The following PCSK2 variants were observed in gnomAD, a reference collection of about 807,000 sequenced individuals.
PCSK2 encodes the protein proprotein convertase subtilisin/kexin type 2, also known as neuroendocrine convertase 2.
In PCSK2, 14 loss-of-function variants were observed where a neutral mutation model predicts 69.7. The observed-to-expected ratio is 0.20, with a 90% CI of 0.13 to 0.31. The LOEUF is 0.31. PCSK2 is among the 10% of genes least tolerant of loss of function. The pLI is 1.00. For missense variants in PCSK2, 544 were observed against 842.5 expected, an observed-to-expected ratio of 0.65 and a Z score of 4.39; for synonymous variants, 307 against 320.7, an observed-to-expected ratio of 0.96 and a Z score of 0.46.
chr20:17,453,971 C>G lies in PCSK2; in HGVS notation c.1101+14C>G, dbSNP rs542732661. On this transcript the variant is annotated intron_variant, in intron 9 of 11. Coordinates refer to ENST00000262545, the MANE Select transcript of PCSK2 (RefSeq NM_002594.5). This position sits in a 1 kb window ranked among gnomAD's most constrained non-coding sequence, Gnocchi z 4.0. ...GAGGCCGGTGTGGTGAGCACGTCCCCTTCTGTCCTTGTTTCCTTAGGGCCA... is the reference window on the plus strand; with the variant it reads ...GAGGCCGGTGTGGTGAGCACGTCCCGTTCTGTCCTTGTTTCCTTAGGGCCA... 2 of 1,613,858 alleles carry G rather than the reference C, an allele frequency of 1.2e-6. No homozygotes were observed. The highest frequency in any genetic ancestry group is 3.3e-5 in the Admixed American group (2 of 60,002).
intron 11 of PCSK2, among the ~76,000 whole-genome samples, 163 bp from the exon 12 acceptor site, chr20:17,481,421 A>C (rs2033399899): frequency 7.0e-6 from 1 of 142,534 alleles, no homozygotes; most frequent in African/African-American, 2.6e-5. Flanking sequence ...AAAAGAGATA[A>C]GTAACTTACT....
At chr20:17,235,838 A>G (rs1414089342) in intron 1 of PCSK2, among the ~76,000 whole-genome samples, 3 of 152,162 alleles carry the variant, frequency 2.0e-5, no homozygotes, top group Non-Finnish European at 4.4e-5. Flanking sequence ...GAGATGGTAA[A>G]CATCTCAATG....
At chr20:17,269,194 G>C (rs972219359) in intron 2 of PCSK2, among the ~76,000 whole-genome samples, 1 of 152,158 alleles carries the variant, frequency 6.6e-6, no homozygotes, top group African/African-American at 2.4e-5. Flanking sequence ...GTCAGAGTTG[G>C]AGATATAAAT....
intron 5 of PCSK2, among the ~76,000 whole-genome samples, chr20:17,389,297 T>C (rs1297281075): frequency 2.6e-5 from 4 of 152,058 alleles, no homozygotes; most frequent in Non-Finnish European, 5.9e-5. Flanking sequence ...GATGTGCTTG[T>C]AGTCAAGGGT....
intron 1 of PCSK2, among the ~76,000 whole-genome samples, chr20:17,233,185 G>A (rs1986207568): frequency 6.6e-6 from 1 of 152,198 alleles, no homozygotes. Flanking sequence ...GAATCAGATA[G>A]CACTGGAAAC....
intron 8 of PCSK2, among the ~76,000 whole-genome samples, chr20:17,446,009 G>A (rs1437816562): frequency 6.6e-6 from 1 of 152,176 alleles, no homozygotes; most frequent in Non-Finnish European, 1.5e-5. Context: ...TCAATCCTGG[G>A]CAAACCAAGA....
chr20:17,322,814 A>ATGAAGGTGCCATGACTTAATCACTTAAAG (rs1431228760), intron 2 of PCSK2, among the ~76,000 whole-genome samples: 1 of 152,192 alleles, frequency 6.6e-6, no homozygotes, highest in Non-Finnish European at 1.5e-5. Context: ...TGGAAGTGGC[A>ATGAAGGTGCCATGACTTAATCACTTAAAG]CCTTCATGAC....
At chr20:17,318,599 T>C (rs1429744332) in intron 2 of PCSK2, among the ~76,000 whole-genome samples, 2 of 152,222 alleles carry the variant, frequency 1.3e-5, no homozygotes, top group African/African-American at 4.8e-5. Context: ...CAGGAAACAA[T>C]AAGTATGTTT....
chr20:17,347,923 G>A (rs1385660805), intron 2 of PCSK2, among the ~76,000 whole-genome samples: 2 of 51,180 alleles, frequency 3.9e-5, no homozygotes, highest in African/African-American at 1.8e-4. Flanking sequence ...AAAGAAAGGA[G>A]AGAGAAAAAA....
At chr20:17,257,012 A>C (rs1249120391) in intron 1 of PCSK2, among the ~76,000 whole-genome samples, 1 of 152,150 alleles carries the variant, frequency 6.6e-6, no homozygotes, top group Non-Finnish European at 1.5e-5. Flanking sequence ...TTCTTTATGC[A>C]GTCTATCATT....
chr20:17,241,459 G>A (rs1331569657), intron 1 of PCSK2, among the ~76,000 whole-genome samples: 2 of 152,168 alleles, frequency 1.3e-5, no homozygotes, highest in African/African-American at 4.8e-5. Flanking sequence ...CCACATACAG[G>A]ACATCCTAGG....
At chr20:17,245,760 G>C (rs1986748213) in intron 1 of PCSK2, among the ~76,000 whole-genome samples, 1 of 152,116 alleles carries the variant, frequency 6.6e-6, no homozygotes, top group African/African-American at 2.4e-5. Flanking sequence ...AGACAGCTCA[G>C]AGCTAACAAG....
chr20:17,427,563 A>T (rs1257601826), intron 6 of PCSK2, among the ~76,000 whole-genome samples: 1 of 152,180 alleles, frequency 6.6e-6, no homozygotes, highest in Non-Finnish European at 1.5e-5. Flanking sequence ...TGTGTCAGTA[A>T]TCTACTGCCA....
intron 1 of PCSK2, among the ~76,000 whole-genome samples, chr20:17,253,720 C>T (rs1476895886): frequency 1.3e-5 from 2 of 152,114 alleles, no homozygotes; most frequent in African/African-American, 4.8e-5. Context: ...CTTATATGCA[C>T]CCGTACATGG....
rs2032859809 is a variant in PCSK2 at position 17,453,275 on chromosome 20, C to T, written c.886-467C>T. 6.6e-6 allele frequency among the ~76,000 whole-genome samples: 1 copy of T among 151,946 alleles called. No homozygotes were observed. The highest frequency in any genetic ancestry group is 2.4e-5 in the African/African-American group (1 of 41,384). On this transcript the variant is annotated intron_variant, in intron 8 of 11. Coordinates refer to ENST00000262545, the MANE Select transcript of PCSK2 (RefSeq NM_002594.5). This position sits in a 1 kb window ranked among gnomAD's most constrained non-coding sequence, Gnocchi z 4.0. ...TATCTTCTATAAATGTTTTGTATAG[C>T]TTATGTAGCTAAGAAAAATTATATG...
intron 8 of PCSK2, among the ~76,000 whole-genome samples, chr20:17,444,403 C>T (rs1015612206): frequency 7.9e-5 from 12 of 152,214 alleles, no homozygotes; most frequent in Admixed American, 7.2e-4. Flanking sequence ...GAAGTTTGCA[C>T]CTCCTACATT....
intron 11 of PCSK2, among the ~76,000 whole-genome samples, chr20:17,470,995 C>A (rs2033190064): frequency 6.6e-6 from 1 of 152,200 alleles, no homozygotes; most frequent in Non-Finnish European, 1.5e-5. Flanking sequence ...TGTACTGCGG[C>A]CCTCTTAGTC....
intron 1 of PCSK2, among the ~76,000 whole-genome samples, chr20:17,239,677 A>G (rs1156951047): frequency 6.6e-6 from 1 of 152,098 alleles, no homozygotes; most frequent in Admixed American, 6.5e-5. Flanking sequence ...GGAGAAGATT[A>G]TTAAGGTCAT....
intron 4 of PCSK2, among the ~76,000 whole-genome samples, 200 bp from the exon 5 acceptor site, chr20:17,369,040 G>A (rs977113157): frequency 4.6e-5 from 7 of 152,240 alleles, no homozygotes; most frequent in South Asian, 4.2e-4. Flanking sequence ...CTGTCTCTCC[G>A]CTCTGGCAGT....
Sources: gnomAD v4.1 joint callset for allele counts (sites outside exome capture counted in the v4.1 genomes callset) on GRCh38, gnomAD v4.1.1 for gene constraint, Gnocchi (gnomAD v3.1) non-coding constraint, MANE v1.5 for transcripts, NCBI Gene and HGNC (gene_info 2026-07-23, HGNC 2026-07-21) for gene names.